Variants in DPP9 observed in about 807,000 individuals in gnomAD.
The protein encoded by DPP9 is dipeptidyl peptidase IV-related protein-2.
DPP9 carries 50 observed loss-of-function variants against 110.7 expected under a neutral mutation model. That is an observed-to-expected ratio of 0.45 (90% CI 0.36 to 0.57). The LOEUF (loss-of-function observed/expected upper bound fraction) is 0.57. Among genes scored for constraint, DPP9 ranks in the 20% least tolerant of loss-of-function variants. DPP9 has a pLI of 0.00. For missense variants in DPP9, 1,022 were observed against 1,217.9 expected (o/e 0.84, Z 2.39); for synonymous variants, 561 against 514.4 (o/e 1.09, Z -1.23).
chr19:4,697,712 A>G (rs1033941534), intron 10 of DPP9, 61 bp from the exon 11 acceptor site: 93 of 1,417,636 alleles, frequency 6.6e-5, no homozygotes, highest in Non-Finnish European at 8.6e-5. Context: ...CTCGGAGGAG[A>G]AGGCCACTGC....
chr19:4,707,586 T>C (rs2092647054), intron 4 of DPP9, among the ~76,000 whole-genome samples: 1 of 148,764 alleles, frequency 6.7e-6, no homozygotes, highest in African/African-American at 2.5e-5. Context: ...TGCTGTCCTG[T>C]CCTCTTTTCA....
Position 4,695,688 on chromosome 19 carries a change from C to T in DPP9, c.1176-133G>A, listed in dbSNP as rs949637828. The T allele has an allele frequency of 1.4e-6, 1 of 697,918 alleles. No homozygotes were observed. The highest frequency in any genetic ancestry group is 2.2e-6 in the Non-Finnish European group (1 of 461,016). 43.2% of individuals were successfully genotyped at this position (697,918 alleles called of 1,614,324 possible). The stretch of plus-strand genomic sequence containing the variant: ...GCTTCCTGCGCTGGCTTCACCTGCA[C>T]TTGGCCAAGTAACCCTGCAGCACCC... On this transcript the variant is annotated intron_variant, in intron 11 of 21. Coordinates refer to ENST00000262960, the MANE Select transcript of DPP9 (RefSeq NM_139159.5). This position sits in a 1 kb window ranked among gnomAD's most constrained non-coding sequence, Gnocchi z 4.7.
chr19:4,715,102 C>T (rs1347517635), intron 3 of DPP9, among the ~76,000 whole-genome samples: 1 of 143,486 alleles, frequency 7.0e-6, no homozygotes, highest in Non-Finnish European at 1.5e-5. Flanking sequence ...TCACTGCAGC[C>T]TCTGCCTCTT....
intron 4 of DPP9, among the ~76,000 whole-genome samples, chr19:4,712,949 G>A (rs772919494): frequency 1.3e-5 from 2 of 152,206 alleles, no homozygotes; most frequent in Non-Finnish European, 2.9e-5. Flanking sequence ...GCGGGCCTGG[G>A]CTCAGGGGCT....
chr19:4,682,377 G>T lies in DPP9; in HGVS notation c.2474+319C>A, dbSNP rs1373654384. ...GGCCTCCAGCAGGATGCAGGGGAGT[G>T]GGGGAGGCTTGCCTGTGAAAAGCAG... is the stretch of plus-strand genomic sequence containing the variant. On this transcript the variant is annotated intron_variant, in intron 20 of 21. Coordinates refer to ENST00000262960, the MANE Select transcript of DPP9 (RefSeq NM_139159.5). This position sits in a 1 kb window ranked among gnomAD's most constrained non-coding sequence, Gnocchi z 7.1. Among the ~76,000 whole-genome samples the T allele has an allele frequency of 6.6e-6, 1 of 152,198 alleles. No homozygotes were observed.
In DPP9 at chr19:4,676,779, G is replaced by C; in HGVS notation, c.2587-123C>G. 2.6e-6 allele frequency: 2 copies of C among 762,610 alleles called. No homozygotes were observed. Among genetic ancestry groups the C allele is most frequent in the Non-Finnish European group, 2.2e-6 (1 of 449,230 alleles). The allele number at this position is 762,610 out of a possible 1,614,324, so 47.2% of individuals were successfully genotyped here. On this transcript the variant is annotated intron_variant, in intron 21 of 21. Coordinates refer to ENST00000262960, the MANE Select transcript of DPP9 (RefSeq NM_139159.5). This position sits in a 1 kb window ranked among gnomAD's most constrained non-coding sequence, Gnocchi z 4.0. Reference sequence around the variant, plus strand: ...CAGGTGCTCTGAGGCCCAGTGATCTGGGTTTGAATCCCACCTCGGCTGTTG... The same window carrying C: ...CAGGTGCTCTGAGGCCCAGTGATCTCGGTTTGAATCCCACCTCGGCTGTTG...
chr19:4,715,019 CTTTTTTTTTTTTTT>C (rs59314200), intron 3 of DPP9, among the ~76,000 whole-genome samples: 2 of 68,608 alleles, frequency 2.9e-5, no homozygotes, highest in East Asian at 5.4e-4. Flanking sequence ...TATATATATA[CTTTTTTTTTTTTTT>C]TTTTTTTTTT....
chr19:4,705,919 T>C lies in DPP9; in HGVS notation c.365A>G (p.Lys122Arg), dbSNP rs754052696. ...CAGCAGAGCCTCTTTCCGGACCTTC[T>C]TGGGAATCTCAGAGTAGAGGAGGGA... The part of the protein sequence containing the change: ...ENSLLYSEIP[K>R]KVRKEALLLL... Residue 122 changes from lysine to arginine, a missense_variant, in exon 5 of 22, where the codon AAG (lysine) becomes AGG (arginine). By Grantham distance (26) the Lys-to-Arg change is conservative (BLOSUM62 2). Transcript: ENST00000262960. 8 of 1,613,820 alleles carry C rather than the reference T, an allele frequency of 5.0e-6. No homozygotes were observed. The African/African-American group carries it at 8.0e-5, about 16-fold the overall frequency.
chr19:4,677,903 A>C (rs557944206), intron 21 of DPP9, among the ~76,000 whole-genome samples: 1 of 152,276 alleles, frequency 6.6e-6, no homozygotes, highest in South Asian at 2.1e-4. Context: ...TGATTTGTGT[A>C]TAAAGAGGGC....
At chr19:4,701,800 C>G (rs1166200456) in intron 9 of DPP9, among the ~76,000 whole-genome samples, 1 of 152,222 alleles carries the variant, frequency 6.6e-6, no homozygotes, top group Non-Finnish European at 1.5e-5. Flanking sequence ...TGCCCTCATC[C>G]CTTCCAGAGA....
Position 4,722,616 on chromosome 19 carries a change from T to C in DPP9, c.-88-65A>G, listed in dbSNP as rs1010959728. On this transcript the variant is annotated intron_variant, in intron 1 of 21. Coordinates refer to ENST00000262960, the MANE Select transcript of DPP9 (RefSeq NM_139159.5). ...GGAAGCACCGGCCAGCCGTTCAGCC[T>C]CCCCCACTCAGGAGCTGCAGACTGT... 8.6e-6 allele frequency: 6 copies of C among 700,044 alleles called. No homozygotes were observed. In the African/African-American group the frequency reaches 8.7e-5, roughly 10 times the overall value. 43.4% of individuals were successfully genotyped at this position (700,044 alleles called of 1,614,324 possible). A position where few individuals can be genotyped will look rare whatever the true frequency, so the allele number is the denominator to read the frequency against.
At chr19:4,719,656 G>A (rs560326230) in intron 3 of DPP9, 195 bp downstream of exon 3, 21 of 654,262 alleles carry the variant, frequency 3.2e-5, no homozygotes, top group Admixed American at 5.2e-5. Flanking sequence ...CAGCCCCAGC[G>A]TCCACAGTGC....
intron 9 of DPP9, 61 bp downstream of exon 9, chr19:4,701,966 C>T: frequency 1.9e-6 from 3 of 1,581,180 alleles, no homozygotes; most frequent in South Asian, 2.3e-5. Context: ...TGCACCTCAC[C>T]AGCCATGCCC....
chr19:4,704,449 T>G lies in DPP9; in HGVS notation c.427-145A>C. On this transcript the variant is annotated intron_variant, in intron 5 of 21. Transcript: ENST00000262960. The surrounding 1 kb of genome is among the most constrained non-coding windows in gnomAD (Gnocchi z 6.0). ...GAGAACTTCCTGTACTGGGCAGAAT[T>G]GGCTGCCGGAGCCCTTGACACAGTG... 2.0e-6 allele frequency: 2 copies of G among 1,024,264 alleles called. No individual in the cohort carries two copies. The highest frequency in any genetic ancestry group is 2.8e-6 in the Non-Finnish European group (2 of 709,360). The allele number at this position is 1,024,264 out of a possible 1,614,324, so 63.4% of individuals were successfully genotyped here.
In DPP9 at chr19:4,687,138, C is replaced by T. The variant is rs1156961248; in HGVS notation, c.1886-1367G>A. Among the ~76,000 whole-genome samples the T allele has an allele frequency of 2.0e-5, 3 of 152,168 alleles. No homozygotes were observed. Among genetic ancestry groups the T allele is most frequent in the African/African-American group, 4.8e-5 (2 of 41,434 alleles). On this transcript the variant is annotated intron_variant, in intron 16 of 21. Coordinates refer to ENST00000262960, the MANE Select transcript of DPP9 (RefSeq NM_139159.5). The surrounding 1 kb of genome is among the most constrained non-coding windows in gnomAD (Gnocchi z 4.7). ...TCATCTGAAGCCAGGGCTCCAGCTC[C>T]TGGCGGTGTCGGTGCGGACAGGAGA... is the stretch of plus-strand genomic sequence containing the variant.
Position 4,689,604 on chromosome 19 carries a change from G to T in DPP9, c.1715C>A (p.Thr572Lys). The stretch of plus-strand genomic sequence containing the variant: ...GGAGCAGCTATGGGAGAAGCCGGGC[G>T]TGGTGAGGCGTACGATCTCGCCGGC... Reference protein sequence around the residue: ...EAAGEIVRLTTPGFSHSCSMS... With the variant: ...EAAGEIVRLTKPGFSHSCSMS... Residue 572 changes from threonine to lysine, a missense_variant, in exon 15 of 22, where the codon ACG (threonine) becomes AAG (lysine). Physicochemically the swap from Thr to Lys is moderately conservative, Grantham distance 78 (BLOSUM62 -1). Transcript: ENST00000262960. The surrounding 1 kb of genome is among the most constrained non-coding windows in gnomAD (Gnocchi z 7.0). 1 of 1,573,298 alleles carries T rather than the reference G, an allele frequency of 6.4e-7. No individual in the cohort carries two copies. Among genetic ancestry groups the T allele is most frequent in the Non-Finnish European group, 8.6e-7 (1 of 1,160,538 alleles).
intron 4 of DPP9, among the ~76,000 whole-genome samples, chr19:4,711,509 A>G (rs1306877714): frequency 6.6e-6 from 1 of 152,100 alleles, no homozygotes; most frequent in Non-Finnish European, 1.5e-5. Context: ...ACGGTGGCTT[A>G]CGCCTGTAAT....
chr19:4,708,251 C>T (rs1272979258), intron 4 of DPP9, among the ~76,000 whole-genome samples: 4 of 152,196 alleles, frequency 2.6e-5, no homozygotes, highest in African/African-American at 7.2e-5. Flanking sequence ...ACCCCCTTGC[C>T]GAGGACACAC....
chr19:4,702,546 G>A, intron 8 of DPP9, 57 bp downstream of exon 8: 2 of 1,338,344 alleles, frequency 1.5e-6, no homozygotes, highest in Non-Finnish European at 1.0e-6. Context: ...GACACAGCCT[G>A]TGATTCCAGG....
Sources: gnomAD v4.1 joint callset for allele counts (sites outside exome capture counted in the v4.1 genomes callset) on GRCh38, gnomAD v4.1.1 for gene constraint, Gnocchi (gnomAD v3.1) non-coding constraint, MANE v1.5 for transcripts, NCBI Gene and HGNC (gene_info 2026-07-23, HGNC 2026-07-21) for gene names.